The following PI4KA variants were observed in gnomAD, a reference collection of about 807,000 sequenced individuals.
The protein encoded by PI4KA is phosphatidylinositol 4-kinase alpha.
A neutral mutation model predicts 271.4 loss-of-function variants in PI4KA; 122 were observed. That is an observed-to-expected ratio of 0.45 (90% CI 0.39 to 0.52). The LOEUF (loss-of-function observed/expected upper bound fraction) is 0.52. PI4KA is among the 20% of genes least tolerant of loss of function. The pLI is 0.00. For synonymous variants in PI4KA, 1,041 were observed against 1,078.8 expected (o/e 0.96, Z 0.69); for missense variants, 1,969 against 2,769.1 (o/e 0.71, Z 6.48).
Position 20,753,034 on chromosome 22 carries a change from A to G in PI4KA, c.2863-7T>C. ...CGTTCTCCTTGGTCTTGGCCTAGAG[A>G]TGCAAAAGAAACAGGTACCGCAGTG... On this transcript the variant is annotated splice_polypyrimidine_tract_variant and splice_region_variant and intron_variant, in intron 24 of 54. Coordinates refer to ENST00000255882, the MANE Select transcript of PI4KA (RefSeq NM_058004.4). The G allele has an allele frequency of 1.9e-6, 3 of 1,614,208 alleles. No individual in the cohort carries two copies. The highest frequency in any genetic ancestry group is 1.6e-4 in the Middle Eastern group (1 of 6,062).
At position 20,858,702 on chromosome 22, in the gene PI4KA, T is replaced by C; in HGVS notation, c.24A>G (p.Gly8=). 6.8e-7 allele frequency: 1 copy of C among 1,460,084 alleles called. No homozygotes were observed. Among genetic ancestry groups the C allele is most frequent in the Non-Finnish European group, 9.0e-7 (1 of 1,110,802 alleles). 90.4% of individuals were successfully genotyped at this position (1,460,084 alleles called of 1,614,324 possible). The part of the protein sequence containing the change: MAAAPAR[G]GGGGGGGGGG... The stretch of plus-strand genomic sequence containing the variant: ...CGCCGCCTCCGCCTCCGCCTCCGCC[T>C]CCCCGGGCCGGGGCCGCCGCCATCA... Residue 8 remains glycine (G), a synonymous_variant, in exon 1 of 55, where the codon GGA becomes GGG. Coordinates refer to ENST00000255882, the MANE Select transcript of PI4KA (RefSeq NM_058004.4).
At chr22:20,765,742 C>A in intron 19 of PI4KA, 49 bp from the exon 20 acceptor site, 1 of 1,215,270 alleles carries the variant, frequency 8.2e-7, no homozygotes, top group South Asian at 1.2e-5. Flanking sequence ...GCTGAGGAAA[C>A]CCTAAGCCCT....
At chr22:20,823,499 G>A (rs757685385) in intron 4 of PI4KA, among the ~76,000 whole-genome samples, 5 of 152,128 alleles carry the variant, frequency 3.3e-5, no homozygotes, top group African/African-American at 4.8e-5. Flanking sequence ...CTTTCTAAGC[G>A]ATAAATTTAA....
At chr22:20,768,582 C>T (rs1371860094) in intron 19 of PI4KA, among the ~76,000 whole-genome samples, 1 of 152,154 alleles carries the variant, frequency 6.6e-6, no homozygotes, top group African/African-American at 2.4e-5. Context: ...GTCTATATTT[C>T]CTGGAGCTCT....
intron 8 of PI4KA, 133 bp from the exon 9 acceptor site, chr22:20,811,165 T>C (rs144183460): frequency 2.4e-5 from 17 of 711,236 alleles, no homozygotes; most frequent in Non-Finnish European, 2.8e-5. Flanking sequence ...TAAATACAAA[T>C]TATGGCTATG....
intron 30 of PI4KA, among the ~76,000 whole-genome samples, chr22:20,744,257 T>C (rs1261845889): frequency 6.6e-6 from 1 of 152,170 alleles, no homozygotes; most frequent in Non-Finnish European, 1.5e-5. Flanking sequence ...GGCAAGTTAC[T>C]TAATCTTGGG....
intron 42 of PI4KA, among the ~76,000 whole-genome samples, chr22:20,722,683 C>T (rs1265541542): frequency 6.6e-6 from 1 of 152,130 alleles, no homozygotes; most frequent in African/African-American, 2.4e-5. Context: ...ATTCCATGCC[C>T]TAGGTTTAAA....
Position 20,751,768 on chromosome 22 carries a change from C to T in PI4KA, c.2988-13G>A, listed in dbSNP as rs574291697. On this transcript the variant is annotated splice_polypyrimidine_tract_variant and intron_variant, in intron 25 of 54. Transcript: ENST00000255882. ...CAAGTGGGGAAACCTGCACCAAGAGCCAGCTCTCAGGACCAAGAGCCAAAC... is the reference window on the plus strand; with the variant it reads ...CAAGTGGGGAAACCTGCACCAAGAGTCAGCTCTCAGGACCAAGAGCCAAAC... 90 of 1,612,826 alleles carry T rather than the reference C, an allele frequency of 5.6e-5. No homozygotes were observed. Among genetic ancestry groups the T allele is most frequent in the South Asian group, 1.3e-4 (12 of 91,044 alleles).
intron 7 of PI4KA, among the ~76,000 whole-genome samples, chr22:20,815,540 G>A (rs999180046): frequency 6.6e-6 from 1 of 152,190 alleles, no homozygotes; most frequent in South Asian, 2.1e-4. Flanking sequence ...GACTCAAAGA[G>A]TTTAGTTTAG....
chr22:20,804,054 CACA>C (rs1935496741), intron 12 of PI4KA, among the ~76,000 whole-genome samples: 1 of 152,224 alleles, frequency 6.6e-6, no homozygotes, highest in African/African-American at 2.4e-5. Context: ...CCCCCAGCCT[CACA>C]ACAACGGAGA....
intron 25 of PI4KA, 146 bp downstream of exon 25, chr22:20,752,756 TG>T: frequency 1.3e-6 from 1 of 787,018 alleles, no homozygotes; most frequent in Non-Finnish European, 2.1e-6. Flanking sequence ...TCACAGACAT[TG>T]GAGGGAGGCT....
rs1012018579 is a variant in PI4KA at position 20,819,756 on chromosome 22, C to A, written c.674G>T (p.Gly225Val). 16 of 1,614,142 alleles carry A rather than the reference C, an allele frequency of 9.9e-6. No homozygotes were observed. Among genetic ancestry groups the A allele is most frequent in the East Asian group, 8.9e-5 (4 of 44,876 alleles). ...HSLRVLEELE[G>V]VRRRSFNDFR... ...GTCATTAAAGGAACGCCTTCGAACA[C>A]CTTCAAGCTCTTCCAGGACACGGAG... Residue 225 changes from glycine to valine, a missense_variant, in exon 6 of 55, where the codon GGT becomes GTT. Gly to Val is a moderately radical substitution (Grantham distance 109). Around this residue, in one of 13 missense-constraint regions of PI4KA, gnomAD observed 540 missense variants for 555.5 expected, o/e 0.97. Coordinates refer to ENST00000255882, the MANE Select transcript of PI4KA (RefSeq NM_058004.4).
At chr22:20,714,725 A>G in intron 45 of PI4KA, 25 bp from the exon 46 acceptor site, 1 of 1,610,154 alleles carries the variant, frequency 6.2e-7, no homozygotes, top group Admixed American at 1.7e-5. Flanking sequence ...AGGCAGTCAC[A>G]GGGAGTGCAT....
intron 45 of PI4KA, among the ~76,000 whole-genome samples, chr22:20,715,217 C>T (rs1460565635): frequency 1.3e-5 from 2 of 151,890 alleles, no homozygotes; most frequent in African/African-American, 4.8e-5. Flanking sequence ...ATTATAGGCG[C>T]CTGTCACCAT....
chr22:20,827,113 C>T (rs781088788), intron 3 of PI4KA, among the ~76,000 whole-genome samples: 2 of 152,000 alleles, frequency 1.3e-5, no homozygotes, highest in Non-Finnish European at 2.9e-5. Flanking sequence ...TAAATTTTTG[C>T]CATTAAATCT....
At chr22:20,803,662 C>A (rs774303457) in intron 12 of PI4KA, among the ~76,000 whole-genome samples, 1 of 152,060 alleles carries the variant, frequency 6.6e-6, no homozygotes, top group Non-Finnish European at 1.5e-5. Flanking sequence ...GTAGCTGGGA[C>A]TGTAGGCACA....
At chr22:20,825,852 GA>G (rs1224160156) in intron 3 of PI4KA, among the ~76,000 whole-genome samples, 1 of 152,170 alleles carries the variant, frequency 6.6e-6, no homozygotes, top group East Asian at 1.9e-4. Flanking sequence ...ATAGTACCCA[GA>G]AAGTAGTTTT....
intron 14 of PI4KA, among the ~76,000 whole-genome samples, chr22:20,801,745 G>A (rs1351425758): frequency 3.3e-5 from 5 of 151,256 alleles, no homozygotes; most frequent in African/African-American, 9.7e-5. Flanking sequence ...TTAGCTGGGC[G>A]TGGTGGTGGG....
intron 42 of PI4KA, chr22:20,725,413 CAT>C (rs1442861362): frequency 6.4e-6 from 2 of 310,462 alleles, no homozygotes; most frequent in African/African-American, 2.1e-5. Flanking sequence ...CCTTCAAATT[CAT>C]ATGTTACAGG....
Sources: gnomAD v4.1 joint callset for allele counts (sites outside exome capture counted in the v4.1 genomes callset) on GRCh38, gnomAD v4.1.1 for gene constraint, gnomAD v4.1.1 regional missense constraint, MANE v1.5 for transcripts, NCBI Gene and HGNC (gene_info 2026-07-23, HGNC 2026-07-21) for gene names.